Variants in PIK3R6 observed in about 807,000 individuals in gnomAD.
PIK3R6 encodes phosphoinositide 3-kinase regulatory subunit 6.
In PIK3R6, 91 loss-of-function variants were observed where a neutral mutation model predicts 84.9. The ratio of observed to expected loss-of-function variants is 1.07; its 90% CI spans 0.90 to 1.28. The LOEUF (loss-of-function observed/expected upper bound fraction) is 1.28, where lower values mean the gene tolerates loss of function less well. Ranked by LOEUF, PIK3R6 falls within the 50% of genes most tolerant of loss-of-function variation. The probability of loss-of-function intolerance (pLI) is 0.00; values close to 1 mark genes in which losing one functional copy is unlikely to be tolerated. For missense variants in PIK3R6, 996 were observed against 985.1 expected, an observed-to-expected ratio of 1.01 and a Z score of -0.15; for synonymous variants, 416 against 411.4, an observed-to-expected ratio of 1.01 and a Z score of -0.13.
intron 18 of PIK3R6, among the ~76,000 whole-genome samples, chr17:8,818,788 G>C (rs2087625000): frequency 6.6e-6 from 1 of 152,174 alleles, no homozygotes; most frequent in African/African-American, 2.4e-5. Context: ...GGGATGACTG[G>C]ACATAGGTGC....
intron 12 of PIK3R6, among the ~76,000 whole-genome samples, chr17:8,827,763 GGAGAGAGAGAGAGAGAGA>G (rs199969342): frequency 1.2e-3 from 41 of 34,834 alleles, no homozygotes; most frequent in African/African-American, 3.3e-3. Context: ...GAGAGAGAGA[GGAGAGAGAGAGAGAGAGA>G]GAGAGAGAGA....
rs1042177587 is a variant in PIK3R6, at chr17:8,862,080, T to C, written c.-92+5449A>G. ...TGGGTGCAAGACCTGAGCAGAAATG[T>C]GTTCTGATTGACAGCAGCCAGGTTC... On this transcript the variant is annotated intron_variant, in intron 1 of 19. Coordinates refer to ENST00000619866, the MANE Select transcript of PIK3R6 (RefSeq NM_001010855.4). The surrounding 1 kb of genome is among the most constrained non-coding windows in gnomAD (Gnocchi z 4.3). Among the ~76,000 whole-genome samples the C allele has an allele frequency of 2.0e-5, 3 of 152,160 alleles. No individual in the cohort carries two copies. The highest frequency in any genetic ancestry group is 7.2e-5 in the African/African-American group (3 of 41,442).
intron 18 of PIK3R6, among the ~76,000 whole-genome samples, chr17:8,814,776 T>C (rs1197817927): frequency 2.0e-5 from 3 of 150,922 alleles, no homozygotes; most frequent in Admixed American, 1.3e-4. Flanking sequence ...TTAGAAAATA[T>C]CTGAGAATTG....
intron 18 of PIK3R6, among the ~76,000 whole-genome samples, chr17:8,818,764 G>A (rs2087623647): frequency 6.6e-6 from 1 of 152,228 alleles, no homozygotes; most frequent in African/African-American, 2.4e-5. Flanking sequence ...GAGTCTGGCT[G>A]TGGTGTGGTG....
At chr17:8,835,924 T>C (rs2088442519) in intron 7 of PIK3R6, among the ~76,000 whole-genome samples, 1 of 152,002 alleles carries the variant, frequency 6.6e-6, no homozygotes, top group Non-Finnish European at 1.5e-5. Flanking sequence ...TCCCCACCTC[T>C]CCCATGGGTG....
At chr17:8,858,834 C>G (rs545215032) in intron 1 of PIK3R6, among the ~76,000 whole-genome samples, 161 of 152,322 alleles carry the variant, frequency 1.1e-3, no homozygotes, top group Admixed American at 4.5e-3. Flanking sequence ...GCTCTGCTGG[C>G]CTTTTTGTAA....
chr17:8,863,459 C>T (rs1243812350), intron 1 of PIK3R6, among the ~76,000 whole-genome samples: 1 of 152,096 alleles, frequency 6.6e-6, no homozygotes, highest in East Asian at 1.9e-4. Flanking sequence ...TCTCAGAAAC[C>T]GTATTCCTCC....
chr17:8,829,507 CA>C, intron 10 of PIK3R6, among the ~76,000 whole-genome samples, 198 bp downstream of exon 10: 2 of 128,672 alleles, frequency 1.6e-5, no homozygotes, highest in African/African-American at 3.3e-5. Flanking sequence ...CACTGACACA[CA>C]CTCATGCATA....
rs1303569908 is a variant in PIK3R6, at chr17:8,803,274, C to T, written c.2264G>A (p.Ter755=). The T allele has an allele frequency of 6.2e-7, 1 of 1,612,188 alleles. No homozygotes were observed. The highest frequency in any genetic ancestry group is 1.7e-5 in the Admixed American group (1 of 59,988). Residue 755 remains the stop codon, a stop_retained_variant, in exon 20 of 20, where the codon TGA becomes TAA. Coordinates refer to ENST00000619866, the MANE Select transcript of PIK3R6 (RefSeq NM_001010855.4). This position sits in a 1 kb window ranked among gnomAD's most constrained non-coding sequence, Gnocchi z 5.0. The part of the protein sequence containing the change: ...PINTFSGIVQ[*] Reference sequence around the variant, plus strand: ...CCTGGGCCTGCTGTCCCTGCAGGCTCACTGGACAATACCAGAGAATGTGTT... The same window carrying T: ...CCTGGGCCTGCTGTCCCTGCAGGCTTACTGGACAATACCAGAGAATGTGTT...
At position 8,828,679 on chromosome 17, in the gene PIK3R6, T is replaced by C. The variant is rs765319550; in HGVS notation, c.1201A>G (p.Ser401Gly). ...CCGGGCAGCATTTCCCCATCCCCAC[T>C]GGGCCGGCCTGTCCTCCGGTGCAGC... ...PGLHRRTGRP[S>G]GDGEMLPGVS... Residue 401 changes from serine (S) to glycine (G), a missense_variant, in exon 11 of 20, where the codon AGT becomes GGT. Ser to Gly is a moderately conservative substitution (Grantham distance 56). Coordinates refer to ENST00000619866, the MANE Select transcript of PIK3R6 (RefSeq NM_001010855.4). The C allele has an allele frequency of 6.2e-7, 1 of 1,611,818 alleles. No homozygotes were observed. The highest frequency in any genetic ancestry group is 2.2e-5 in the East Asian group (1 of 44,826).
chr17:8,812,756 G>C (rs1252034663), intron 18 of PIK3R6, among the ~76,000 whole-genome samples: 1 of 152,156 alleles, frequency 6.6e-6, no homozygotes, highest in Non-Finnish European at 1.5e-5. Flanking sequence ...ATCAAAAGCA[G>C]TGCTAAGAGG....
At chr17:8,861,889 C>T (rs2089295250) in intron 1 of PIK3R6, among the ~76,000 whole-genome samples, 1 of 152,100 alleles carries the variant, frequency 6.6e-6, no homozygotes, top group Admixed American at 6.5e-5. Context: ...AGAAAAAAGT[C>T]GTATGTTGAA....
chr17:8,817,923 C>T (rs372938502), intron 18 of PIK3R6, among the ~76,000 whole-genome samples: 3,350 of 142,490 alleles, frequency 0.024, 119 homozygotes, highest in African/African-American at 0.078. Context: ...TTTTTTTTTC[C>T]TTTTTTTTTT....
chr17:8,804,250 C>T (rs2087133354), intron 18 of PIK3R6, 97 bp from the exon 19 acceptor site: 1 of 1,004,442 alleles, frequency 1.0e-6, no homozygotes, highest in Non-Finnish European at 1.5e-6. Flanking sequence ...TTCTTCAGTC[C>T]AGCACATGGG....
rs188378255 is a variant in PIK3R6, at chr17:8,844,990, G to A, written c.13+4792C>T. Reference sequence around the variant, plus strand: ...CTTCCAGCTCCATCCATATTGCAACGAAGGATATGATTTCGTTCTTTTTTA... The same window carrying A: ...CTTCCAGCTCCATCCATATTGCAACAAAGGATATGATTTCGTTCTTTTTTA... On this transcript the variant is annotated intron_variant, in intron 2 of 19. Coordinates refer to ENST00000619866, the MANE Select transcript of PIK3R6 (RefSeq NM_001010855.4). The surrounding 1 kb of genome is among the most constrained non-coding windows in gnomAD (Gnocchi z 4.5). Among the ~76,000 whole-genome samples the A allele has an allele frequency of 6.6e-5, 10 of 152,272 alleles. No homozygotes were observed. Among genetic ancestry groups the A allele is most frequent in the Non-Finnish European group, 1.3e-4 (9 of 68,022 alleles).
chr17:8,817,921 T>C (rs538569059), intron 18 of PIK3R6, among the ~76,000 whole-genome samples: 3,309 of 150,888 alleles, frequency 0.022, 118 homozygotes, highest in African/African-American at 0.074. Context: ...TTTTTTTTTT[T>C]CCTTTTTTTT....
rs137983932 is a variant in PIK3R6, at chr17:8,825,156, C to T, written c.1516-1659G>A. Among the ~76,000 whole-genome samples, 17 of 152,144 alleles carry T rather than the reference C, an allele frequency of 1.1e-4. No homozygotes were observed. The East Asian group carries it at 1.2e-3, about 10-fold the overall frequency. ...TGAGAATTGGACAGAAGCTGTATGA[C>T]GCAAACTTTACACTTATACTGAGGG... is the stretch of plus-strand genomic sequence containing the variant. On this transcript the variant is annotated intron_variant, in intron 13 of 19. Transcript: ENST00000619866.
chr17:8,822,796 G>A lies in PIK3R6; in HGVS notation c.1718-139C>T, dbSNP rs557404413. 9.7e-5 allele frequency: 99 copies of A among 1,023,474 alleles called. 1 individual carries two copies. The highest frequency in any genetic ancestry group is 9.4e-4 in the South Asian group (63 of 67,024). The allele number at this position is 1,023,474 out of a possible 1,614,324, so 63.4% of individuals were successfully genotyped here. A position where few individuals can be genotyped will look rare whatever the true frequency, so the allele number is the denominator to read the frequency against. ...CCCTGGATGGAAAGGTGACACCTCCGGGGGCCAGGATGCCTTTCAGTCTTG... is the reference window on the plus strand; with the variant it reads ...CCCTGGATGGAAAGGTGACACCTCCAGGGGCCAGGATGCCTTTCAGTCTTG... On this transcript the variant is annotated intron_variant, in intron 15 of 19. Transcript: ENST00000619866.
At chr17:8,864,559 G>C (rs1009111041) in intron 1 of PIK3R6, among the ~76,000 whole-genome samples, 1 of 56,776 alleles carries the variant, frequency 1.8e-5, no homozygotes, top group Non-Finnish European at 3.2e-5. Flanking sequence ...TTTTTTTTTA[G>C]ACAGAGTCTC....
Sources: allele counts gnomAD v4.1 joint callset (sites outside exome capture counted in the v4.1 genomes callset), GRCh38; gene constraint gnomAD v4.1.1; non-coding constraint Gnocchi (gnomAD v3.1); transcripts MANE v1.5; gene names NCBI Gene and HGNC (gene_info 2026-07-23, HGNC 2026-07-21).